MMP16: variants seen among roughly 807,000 people sequenced by gnomAD.
MMP16 encodes matrix metallopeptidase 16, also known as matrix metalloproteinase-16.
In MMP16, 12 loss-of-function variants were observed where a neutral mutation model predicts 67.8. That is an observed-to-expected ratio of 0.18 (90% CI 0.11 to 0.29). The LOEUF (loss-of-function observed/expected upper bound fraction) is 0.29. MMP16 is among the 10% of genes least tolerant of loss of function. The probability of loss-of-function intolerance (pLI) is 1.00; values close to 1 mark genes in which losing one functional copy is unlikely to be tolerated. For synonymous variants in MMP16, 249 were observed against 255.9 expected (o/e 0.97, Z 0.26); for missense variants, 475 against 765.7 (o/e 0.62, Z 4.48).
intron 1 of MMP16, among the ~76,000 whole-genome samples, chr8:88,272,393 T>A (rs1342055161): frequency 6.6e-6 from 1 of 152,202 alleles, no homozygotes; most frequent in African/African-American, 2.4e-5. Context: ...ATATGTGCTA[T>A]AACAGAATCC....
intron 6 of MMP16, among the ~76,000 whole-genome samples, chr8:88,093,445 G>C (rs992223384): frequency 1.3e-5 from 2 of 151,614 alleles, no homozygotes; most frequent in Admixed American, 1.3e-4. Flanking sequence ...TTTTAAGCGC[G>C]AATCACTGAG....
Position 88,327,343 on chromosome 8 carries a change from A to C in MMP16, c.-137T>G. On this transcript the variant is annotated 5_prime_UTR_variant, in exon 1 of 10. Transcript: ENST00000286614. ...CCTGCAGGTTCACCCACAGCCGGGC[A>C]AGGGGAGGAGACAGGGGCCCCGCGC... 1 of 1,166,206 alleles carries C rather than the reference A, an allele frequency of 8.6e-7. No homozygotes were observed. The highest frequency in any genetic ancestry group is 1.2e-6 in the Non-Finnish European group (1 of 826,784). The allele number at this position is 1,166,206 out of a possible 1,614,324, so 72.2% of individuals were successfully genotyped here.
rs944359549 is a variant in MMP16, at chr8:88,034,808, A to G, written c.*6653T>C. 6.6e-6 allele frequency: 1 copy of G among 152,048 alleles called. No homozygotes were observed. The highest frequency in any genetic ancestry group is 2.4e-5 in the African/African-American group (1 of 41,436). 9.4% of individuals were successfully genotyped at this position (152,048 alleles called of 1,614,324 possible). A position where few individuals can be genotyped will look rare whatever the true frequency, so the allele number is the denominator to read the frequency against. On this transcript the variant is annotated 3_prime_UTR_variant, in exon 10 of 10. Transcript: ENST00000286614. ...GACAGCTCACACCAGGCTTCATTCA[A>G]CCATGTCTTGGCAAGACAGGCCAAT...
intron 7 of MMP16, among the ~76,000 whole-genome samples, chr8:88,063,274 T>C (rs771749334): frequency 2.6e-5 from 4 of 152,040 alleles, no homozygotes; most frequent in Non-Finnish European, 4.4e-5. Flanking sequence ...TTCATCCGTC[T>C]ATTCTCCTAT....
intron 1 of MMP16, among the ~76,000 whole-genome samples, chr8:88,257,775 T>C (rs969381588): frequency 2.0e-5 from 3 of 152,172 alleles, no homozygotes; most frequent in African/African-American, 4.8e-5. Context: ...ACAGAGCACT[T>C]ACCTTATGGG....
intron 1 of MMP16, among the ~76,000 whole-genome samples, chr8:88,252,440 T>C (rs1292289143): frequency 6.6e-6 from 1 of 152,064 alleles, no homozygotes. Context: ...CCTTCAGCTA[T>C]CAAATAGCAG....
chr8:88,056,283 A>G lies in MMP16; in HGVS notation c.1223-5T>C. 6.6e-7 allele frequency: 1 copy of G among 1,513,236 alleles called. No individual in the cohort carries two copies. The highest frequency in any genetic ancestry group is 1.4e-5 in the African/African-American group (1 of 72,460). The allele number at this position is 1,513,236 out of a possible 1,614,324, so 93.7% of individuals were successfully genotyped here. On this transcript the variant is annotated splice_region_variant and splice_polypyrimidine_tract_variant and intron_variant, in intron 7 of 9. Transcript: ENST00000286614. ...TGAACACCCAATATTTGTTACCTGTATGGAATAAGTGTAAATGTAGAATAT... is the reference window on the plus strand; with the variant it reads ...TGAACACCCAATATTTGTTACCTGTGTGGAATAAGTGTAAATGTAGAATAT...
At chr8:88,322,291 C>A (rs1454846620) in intron 1 of MMP16, among the ~76,000 whole-genome samples, 1 of 152,136 alleles carries the variant, frequency 6.6e-6, no homozygotes, top group African/African-American at 2.4e-5. Flanking sequence ...ATGATAGTAA[C>A]AGATGACATG....
At position 88,033,494 on chromosome 8, in the gene MMP16, A is replaced by G. The variant is rs1432398950; in HGVS notation, c.*7967T>C. The G allele has an allele frequency of 6.6e-6, 1 of 151,888 alleles. No homozygotes were observed. Among genetic ancestry groups the G allele is most frequent in the African/African-American group, 2.4e-5 (1 of 41,412 alleles). The allele number at this position is 151,888 out of a possible 1,614,324, so 9.4% of individuals were successfully genotyped here. ...GAAGCAGGCAAGTTTCTCAAGGTCAATAATTGATTCTTTTAAAAAAGCATC... is the reference window on the plus strand; with the variant it reads ...GAAGCAGGCAAGTTTCTCAAGGTCAGTAATTGATTCTTTTAAAAAAGCATC... On this transcript the variant is annotated 3_prime_UTR_variant, in exon 10 of 10. Transcript: ENST00000286614.
intron 2 of MMP16, among the ~76,000 whole-genome samples, chr8:88,194,114 G>A (rs1739675662): frequency 1.3e-5 from 2 of 151,738 alleles, no homozygotes; most frequent in Admixed American, 6.6e-5. Flanking sequence ...TTAATTTATT[G>A]TTTGAAAATG....
At chr8:88,260,285 T>C (rs1431728991) in intron 1 of MMP16, among the ~76,000 whole-genome samples, 1 of 150,026 alleles carries the variant, frequency 6.7e-6, no homozygotes, top group Non-Finnish European at 1.5e-5. Flanking sequence ...ATTTAAGGAA[T>C]ACATGTTTTT....
chr8:88,221,816 T>A (rs1809687548), intron 1 of MMP16, among the ~76,000 whole-genome samples: 1 of 152,090 alleles, frequency 6.6e-6, no homozygotes, highest in Non-Finnish European at 1.5e-5. Context: ...CAATTATATT[T>A]ACTTTTGACA....
intron 4 of MMP16, among the ~76,000 whole-genome samples, chr8:88,158,644 T>G (rs1171725273): frequency 2.0e-5 from 3 of 152,230 alleles, no homozygotes; most frequent in Non-Finnish European, 4.4e-5. Flanking sequence ...TAGTTTCTTT[T>G]GCTGTGCAGA....
At chr8:88,249,636 T>C (rs895184689) in intron 1 of MMP16, among the ~76,000 whole-genome samples, 1 of 152,112 alleles carries the variant, frequency 6.6e-6, no homozygotes, top group African/African-American at 2.4e-5. Context: ...GCCCTTCACC[T>C]GGCTAGACAA....
At chr8:88,096,202 T>C (rs1046291646) in intron 6 of MMP16, among the ~76,000 whole-genome samples, 4 of 151,940 alleles carry the variant, frequency 2.6e-5, no homozygotes, top group African/African-American at 9.7e-5. Flanking sequence ...TTGTTAATAA[T>C]ATTTATAAGT....
chr8:88,262,381 T>C (rs1563577000), intron 1 of MMP16, among the ~76,000 whole-genome samples: 1 of 152,238 alleles, frequency 6.6e-6, no homozygotes, highest in Non-Finnish European at 1.5e-5. Context: ...GATGGACTTG[T>C]CTACCAAGAA....
intron 6 of MMP16, among the ~76,000 whole-genome samples, chr8:88,102,000 T>C (rs1304644477): frequency 6.6e-6 from 1 of 151,882 alleles, no homozygotes; most frequent in Non-Finnish European, 1.5e-5. Context: ...AGTGTTACAA[T>C]TCTTAGAGCT....
chr8:88,053,691 A>C (rs1003044358), intron 8 of MMP16, among the ~76,000 whole-genome samples: 1 of 152,176 alleles, frequency 6.6e-6, no homozygotes, highest in Non-Finnish European at 1.5e-5. Flanking sequence ...TTTCCGTCTA[A>C]GTTTTAAATC....
At chr8:88,099,493 A>AT (rs1243658654) in intron 6 of MMP16, among the ~76,000 whole-genome samples, 1 of 151,892 alleles carries the variant, frequency 6.6e-6, no homozygotes, top group Non-Finnish European at 1.5e-5. Context: ...CAGTTCAGCT[A>AT]TTTTGAAACA....
Sources: gnomAD v4.1 joint callset for allele counts (sites outside exome capture counted in the v4.1 genomes callset) on GRCh38, gnomAD v4.1.1 for gene constraint, MANE v1.5 for transcripts, NCBI Gene and HGNC (gene_info 2026-07-23, HGNC 2026-07-21) for gene names.